OXR1: variants seen among roughly 807,000 people sequenced by gnomAD.
OXR1 encodes oxidation resistance protein 1.
Under a neutral mutation model 104.6 loss-of-function variants are expected in OXR1, and 41 were observed. That is an observed-to-expected ratio of 0.39 (90% CI 0.31 to 0.51). The LOEUF (loss-of-function observed/expected upper bound fraction) is 0.51. OXR1 is among the 20% of genes least tolerant of loss of function. The pLI, the probability that OXR1 is intolerant of heterozygous loss-of-function variation, is 0.77. For synonymous variants in OXR1, 348 were observed against 348.4 expected, an observed-to-expected ratio of 1.00 and a Z score of 0.01; for missense variants, 955 against 1,031.9, an observed-to-expected ratio of 0.93 and a Z score of 1.02.
intron 2 of OXR1, among the ~76,000 whole-genome samples, chr8:106,503,395 T>A (rs1189472975): frequency 6.6e-6 from 1 of 152,180 alleles, no homozygotes; most frequent in East Asian, 1.9e-4. Context: ...GAAAAGCTGG[T>A]AGACAGGGAC....
chr8:106,440,243 G>A (rs183894197), intron 2 of OXR1, among the ~76,000 whole-genome samples: 241 of 152,114 alleles, frequency 1.6e-3, no homozygotes, highest in African/African-American at 5.4e-3. Flanking sequence ...AAAAAGCTAT[G>A]GTCTAATAGG....
chr8:106,533,865 C>A (rs1232335315), intron 3 of OXR1, among the ~76,000 whole-genome samples: 2 of 151,910 alleles, frequency 1.3e-5, no homozygotes, highest in Non-Finnish European at 2.9e-5. Context: ...ACATGTGCCA[C>A]CACGCCTGAC....
Position 106,359,476 on chromosome 8 carries a change from G to A in OXR1, c.-138G>A, listed in dbSNP as rs1816148065. On this transcript the variant is annotated splice_region_variant and 5_prime_UTR_variant, in exon 2 of 17. Coordinates refer to ENST00000517566, the MANE Select transcript of OXR1 (RefSeq NM_001198533.2). ...ATTCATTTATTTCTTTTCTTTATAG[G>A]TCCTCTCAAACTGTGAGTAACTAAG... 2 of 667,226 alleles carry A rather than the reference G, an allele frequency of 3.0e-6. No homozygotes were observed. The highest frequency in any genetic ancestry group is 5.5e-6 in the Non-Finnish European group (2 of 366,006). The allele number at this position is 667,226 out of a possible 1,614,324, so 41.3% of individuals were successfully genotyped here. A position where few individuals can be genotyped will look rare whatever the true frequency, so the allele number is the denominator to read the frequency against.
chr8:106,390,542 C>A (rs774047162), intron 2 of OXR1, among the ~76,000 whole-genome samples: 1 of 152,092 alleles, frequency 6.6e-6, no homozygotes, highest in East Asian at 1.9e-4. Flanking sequence ...ATTTTTCCAA[C>A]GTCACACAGA....
intron 3 of OXR1, among the ~76,000 whole-genome samples, chr8:106,590,631 T>A (rs1396669476): frequency 6.6e-6 from 1 of 152,222 alleles, no homozygotes; most frequent in South Asian, 2.1e-4. Context: ...CCTATAACTC[T>A]TAGGCTATGC....
At chr8:106,443,210 G>A (rs1034236911) in intron 2 of OXR1, among the ~76,000 whole-genome samples, 2 of 152,086 alleles carry the variant, frequency 1.3e-5, no homozygotes, top group Non-Finnish European at 2.9e-5. Flanking sequence ...AAATTTTGTG[G>A]TTTTGAGTGA....
intron 2 of OXR1, among the ~76,000 whole-genome samples, chr8:106,487,254 C>T (rs1311617738): frequency 6.6e-6 from 1 of 151,408 alleles, no homozygotes; most frequent in African/African-American, 2.4e-5. Flanking sequence ...GAACTCCTGA[C>T]CTCAGGTGAT....
At chr8:106,553,841 A>C (rs983673717) in intron 3 of OXR1, among the ~76,000 whole-genome samples, 1 of 152,142 alleles carries the variant, frequency 6.6e-6, no homozygotes, top group African/African-American at 2.4e-5. Context: ...CTTATGCTAA[A>C]AATACTTTCT....
intron 3 of OXR1, among the ~76,000 whole-genome samples, chr8:106,582,583 G>A (rs1818331078): frequency 6.6e-6 from 1 of 152,014 alleles, no homozygotes; most frequent in Admixed American, 6.6e-5. Flanking sequence ...CTTTGTTAAT[G>A]TTAAAGAGAC....
chr8:106,740,268 A>G (rs961573955), intron 13 of OXR1, 75 bp from the exon 14 acceptor site: 6 of 1,128,374 alleles, frequency 5.3e-6, no homozygotes, highest in Non-Finnish European at 6.4e-6. Flanking sequence ...GCACCATTAC[A>G]TTCCAGCTGG....
intron 1 of OXR1, among the ~76,000 whole-genome samples, chr8:106,296,562 C>T (rs139808542): frequency 6.6e-6 from 1 of 152,296 alleles, no homozygotes; most frequent in East Asian, 1.9e-4. Context: ...CTTAGCACCA[C>T]CTATAAAACC....
At chr8:106,525,047 C>T (rs1447380923) in intron 3 of OXR1, among the ~76,000 whole-genome samples, 1 of 152,186 alleles carries the variant, frequency 6.6e-6, no homozygotes, top group African/African-American at 2.4e-5. Flanking sequence ...TGCCTGCAAT[C>T]TTATTAATCC....
intron 3 of OXR1, among the ~76,000 whole-genome samples, chr8:106,568,440 G>A (rs1202514658): frequency 1.3e-5 from 2 of 152,030 alleles, no homozygotes; most frequent in African/African-American, 4.8e-5. Context: ...CAATAGAAAA[G>A]ACTACAATTC....
chr8:106,444,831 A>G (rs1250053759), intron 2 of OXR1, among the ~76,000 whole-genome samples: 3 of 152,194 alleles, frequency 2.0e-5, no homozygotes, highest in African/African-American at 7.2e-5. Context: ...AAAGGATAGT[A>G]TCATCTGAAA....
intron 2 of OXR1, among the ~76,000 whole-genome samples, chr8:106,479,500 T>C (rs1821990083): frequency 6.6e-6 from 1 of 152,026 alleles, no homozygotes; most frequent in Non-Finnish European, 1.5e-5. Flanking sequence ...TGTTGCATTG[T>C]ATAATTCCAG....
In OXR1 at chr8:106,346,098, AC is replaced by A. The variant is rs201345397; in HGVS notation, c.-138-13371del. ...TAATGGGGTTGCAGCAGTTTATTCC[AC>A]CCCCCCTACCGCCGCCAGTGAATTG... On this transcript the variant is annotated intron_variant, in intron 1 of 16. Coordinates refer to ENST00000517566, the MANE Select transcript of OXR1 (RefSeq NM_001198533.2). 5.9e-3 allele frequency among the ~76,000 whole-genome samples: 734 copies of A among 124,866 alleles called. 10 individuals carry two copies. The highest frequency in any genetic ancestry group is 0.02 in the African/African-American group (708 of 36,116). 81.9% of individuals were successfully genotyped at this position (124,866 alleles called of 152,430 possible).
rs1181144248 is a variant in OXR1 at position 106,702,970 on chromosome 8, A to T, written c.740A>T (p.Asp247Val). The change falls in exon 8 of 17, where the codon GAC (aspartate) becomes GTC (valine). Residue 247 changes from aspartate to valine, a missense_variant. Coordinates refer to ENST00000517566, the MANE Select transcript of OXR1 (RefSeq NM_001198533.2). ...ATAATGTTTGATCCACATAAAAATG[A>T]CCCTTTGGTTCAAGAGAATGGCTGT... Reference protein sequence around the residue: ...NNIMFDPHKNDPLVQENGCEE... With the variant: ...NNIMFDPHKNVPLVQENGCEE... 1 of 1,613,528 alleles carries T rather than the reference A, an allele frequency of 6.2e-7. No individual in the cohort carries two copies. The highest frequency in any genetic ancestry group is 8.5e-7 in the Non-Finnish European group (1 of 1,179,634).
chr8:106,463,764 C>A (rs937586170), intron 2 of OXR1, among the ~76,000 whole-genome samples: 4 of 152,074 alleles, frequency 2.6e-5, no homozygotes, highest in Admixed American at 1.3e-4. Context: ...GTAAGAGCAG[C>A]AGCATCATAT....
chr8:106,686,493 C>T (rs1404597996), intron 6 of OXR1, among the ~76,000 whole-genome samples: 1 of 151,982 alleles, frequency 6.6e-6, no homozygotes, highest in African/African-American at 2.4e-5. Context: ...TGACTTTCTG[C>T]ATATCTCAAG....
Sources: allele counts gnomAD v4.1 joint callset (sites outside exome capture counted in the v4.1 genomes callset), GRCh38; gene constraint gnomAD v4.1.1; transcripts MANE v1.5; gene names NCBI Gene and HGNC (gene_info 2026-07-23, HGNC 2026-07-21).